Variants in ODAD2 observed in about 807,000 individuals in gnomAD.
The protein encoded by ODAD2 is outer dynein arm-docking complex subunit 2.
Under a neutral mutation model 106.8 loss-of-function variants are expected in ODAD2, and 89 were observed. That is an observed-to-expected ratio of 0.83 (90% CI 0.70 to 0.99). The LOEUF (loss-of-function observed/expected upper bound fraction) is 0.99, where lower values mean the gene tolerates loss of function less well. ODAD2 is among the 50% of genes least tolerant of loss of function. ODAD2 has a pLI of 0.00. For synonymous variants in ODAD2, 404 were observed against 436.2 expected (o/e 0.93, Z 0.92); for missense variants, 1,168 against 1,238.5 (o/e 0.94, Z 0.85).
rs1192390108 is a variant in ODAD2, at chr10:27,940,704, C to T, written c.1845G>A (p.Leu615=). 2 of 1,614,130 alleles carry T rather than the reference C, an allele frequency of 1.2e-6. No individual in the cohort carries two copies. The highest frequency in any genetic ancestry group is 2.2e-5 in the East Asian group (1 of 44,852). Residue 615 remains leucine (L), a synonymous_variant, in exon 13 of 20, where the codon CTG becomes CTA. Transcript: ENST00000305242. ...VEVARCGALA[L]WSCSKSHTNK... ...TCGTATGACTCTTACTGCAGCTCCA[C>T]AGGGCCAGTGCCCCACAGCGAGCCA...
intron 19 of ODAD2, among the ~76,000 whole-genome samples, chr10:27,858,802 C>CTT (rs1564434884): frequency 2.1e-4 from 14 of 65,178 alleles, no homozygotes; most frequent in East Asian, 4.3e-4. Flanking sequence ...CACCTTAGTA[C>CTT]ATTTTTTTTT....
At chr10:27,826,602 C>T (rs1481292323) in intron 19 of ODAD2, among the ~76,000 whole-genome samples, 1 of 152,130 alleles carries the variant, frequency 6.6e-6, no homozygotes, top group East Asian at 1.9e-4. Flanking sequence ...CAAGTGCACC[C>T]GTCCTTTCCT....
At position 27,860,827 on chromosome 10, in the gene ODAD2, T is replaced by C. The variant is rs772739389; in HGVS notation, c.2819A>G (p.His940Arg). Residue 940 changes from histidine to arginine, a missense_variant, in exon 19 of 20, where the codon CAT becomes CGT. His to Arg is a conservative substitution (Grantham distance 29). Coordinates refer to ENST00000305242, the MANE Select transcript of ODAD2 (RefSeq NM_018076.5). ...LANTNNNKLR[H>R]HLAEAISRCC... ...ACGTGAAATAGCTTCTGCTAGATGA[T>C]GTCTCAATTTATTGTTATTCTGTGC... 6.2e-7 allele frequency: 1 copy of C among 1,614,146 alleles called. No homozygotes were observed. The highest frequency in any genetic ancestry group is 8.5e-7 in the Non-Finnish European group (1 of 1,179,976).
chr10:27,818,722 G>A (rs148977753), intron 19 of ODAD2, among the ~76,000 whole-genome samples: 223 of 152,262 alleles, frequency 1.5e-3, no homozygotes, highest in Non-Finnish European at 2.7e-3. Context: ...ATGGCCACCC[G>A]CCTCGCTTCT....
At position 27,994,956 on chromosome 10, in the gene ODAD2, A is replaced by T; in HGVS notation, c.187T>A (p.Leu63Met). Reference protein sequence around the residue: ...FVEPLEWNTSLAPSAFESGYV... With the variant: ...FVEPLEWNTSMAPSAFESGYV... ...CCTGATTCAAATGCTGAGGGCGCCA[A>T]ACTTGTGTTCCATTCAAGTGGTTCC... The change falls in exon 2 of 20, where the codon TTG becomes ATG. Residue 63 changes from leucine to methionine, a missense_variant. Physicochemically the swap from Leu to Met is conservative, Grantham distance 15. This residue lies in a region of ODAD2 where 430 missense variants were observed against 452.2 expected (regional missense o/e 0.95). Coordinates refer to ENST00000305242, the MANE Select transcript of ODAD2 (RefSeq NM_018076.5). The T allele has an allele frequency of 6.2e-7, 1 of 1,614,234 alleles. No homozygotes were observed. The highest frequency in any genetic ancestry group is 8.5e-7 in the Non-Finnish European group (1 of 1,180,044).
chr10:27,848,683 A>T (rs546111568), intron 19 of ODAD2, among the ~76,000 whole-genome samples: 1 of 152,338 alleles, frequency 6.6e-6, no homozygotes, highest in African/African-American at 2.4e-5. Flanking sequence ...TAATATCCAG[A>T]ATCTACAAAA....
At position 27,860,772 on chromosome 10, in the gene ODAD2, G is replaced by C. The variant is rs144988924; in HGVS notation, c.2874C>G (p.Ala958=). 6 of 1,613,992 alleles carry C rather than the reference G, an allele frequency of 3.7e-6. No homozygotes were observed. The African/African-American group carries it at 5.3e-5, about 14-fold the overall frequency. Residue 958 remains alanine (A), a synonymous_variant, in exon 19 of 20, where the codon GCC becomes GCG. Coordinates refer to ENST00000305242, the MANE Select transcript of ODAD2 (RefSeq NM_018076.5). ...GAGCCACTGCTTTGTGCTCACCGAAGGCCACTCTATTCCTGCCCCACATAC... is the reference window on the plus strand; with the variant it reads ...GAGCCACTGCTTTGTGCTCACCGAACGCCACTCTATTCCTGCCCCACATAC... ...RCCMWGRNRV[A]FGEHKAVAPL... is the part of the protein sequence containing the mutation.
intron 16 of ODAD2, among the ~76,000 whole-genome samples, chr10:27,915,553 T>A (rs944546368): frequency 2.0e-5 from 3 of 152,090 alleles, no homozygotes; most frequent in African/African-American, 7.2e-5. Flanking sequence ...AGTTTCAACA[T>A]CTAAATGTGA....
rs546928912 is a variant in ODAD2, at chr10:27,812,578, A to G, written c.3069T>C (p.Ala1023=). The part of the protein sequence containing the change: ...VGSPDQDLQE[A]AAGCISNIRR... ...GGATATTGGATATACAACCAGCTGC[A>G]GCTTCCTGGAGATCCTGGTCAGGGG... The change falls in exon 20 of 20, where the codon GCT becomes GCC. Residue 1023 remains alanine, a synonymous_variant. Coordinates refer to ENST00000305242, the MANE Select transcript of ODAD2 (RefSeq NM_018076.5). The G allele has an allele frequency of 1.1e-4, 178 of 1,613,182 alleles. 4 individuals are homozygous for G. In the South Asian group the frequency reaches 1.9e-3, roughly 17 times the overall value.
intron 6 of ODAD2, among the ~76,000 whole-genome samples, chr10:27,983,615 T>C (rs535045582): frequency 6.6e-6 from 1 of 152,344 alleles, no homozygotes; most frequent in Admixed American, 6.5e-5. Context: ...ATGGGTCACT[T>C]TGAAGCCCAT....
intron 16 of ODAD2, among the ~76,000 whole-genome samples, chr10:27,930,123 G>T (rs1845511428): frequency 6.6e-6 from 1 of 151,400 alleles, no homozygotes; most frequent in Non-Finnish European, 1.5e-5. Context: ...GTTTTTAGTT[G>T]TGTTTATTAT....
rs946189100 is a variant in ODAD2, at chr10:27,940,782, A to G, written c.1767T>C (p.His589=). Residue 589 remains histidine (H), a synonymous_variant, in exon 13 of 20, where the codon CAT becomes CAC. Transcript: ENST00000305242. ...TKLVALLDCA[H]DSTKPAQSSL... Reference sequence around the variant, plus strand: ...TCGATTGGGCAGGTTTTGTGGAATCATGTGCACAGTCTAGTAGAGCAACCT... The same window carrying G: ...TCGATTGGGCAGGTTTTGTGGAATCGTGTGCACAGTCTAGTAGAGCAACCT... 49 of 1,614,072 alleles carry G rather than the reference A, an allele frequency of 3.0e-5. No homozygotes were observed. The highest frequency in any genetic ancestry group is 4.1e-5 in the Non-Finnish European group (48 of 1,179,958).
intron 19 of ODAD2, among the ~76,000 whole-genome samples, chr10:27,814,639 A>G (rs150972802): frequency 3.3e-5 from 5 of 152,280 alleles, no homozygotes; most frequent in African/African-American, 9.6e-5. Context: ...GTTTGTTCTC[A>G]TCATGATCTC....
At chr10:27,843,455 G>T (rs1192951369) in intron 19 of ODAD2, among the ~76,000 whole-genome samples, 2 of 152,184 alleles carry the variant, frequency 1.3e-5, no homozygotes, top group Non-Finnish European at 2.9e-5. Context: ...CTGATTACCT[G>T]AGAGGTAACT....
chr10:27,912,008 T>C (rs1320352133), intron 16 of ODAD2, among the ~76,000 whole-genome samples: 1 of 152,198 alleles, frequency 6.6e-6, no homozygotes, highest in Non-Finnish European at 1.5e-5. Flanking sequence ...AAATACACGT[T>C]CAAATTCTAA....
intron 17 of ODAD2, among the ~76,000 whole-genome samples, chr10:27,867,287 G>A (rs1840510471): frequency 6.6e-6 from 1 of 152,158 alleles, no homozygotes; most frequent in South Asian, 2.1e-4. Flanking sequence ...AGAAGCAGCT[G>A]CGAATGGACT....
intron 19 of ODAD2, among the ~76,000 whole-genome samples, chr10:27,832,248 T>A (rs1206812910): frequency 2.6e-5 from 4 of 152,244 alleles, no homozygotes; most frequent in African/African-American, 9.6e-5. Flanking sequence ...TGAAACTTAT[T>A]AATCACTCTT....
intron 17 of ODAD2, among the ~76,000 whole-genome samples, chr10:27,865,536 G>C (rs1840376551): frequency 6.6e-6 from 1 of 152,098 alleles, no homozygotes; most frequent in South Asian, 2.1e-4. Flanking sequence ...CATAATACCT[G>C]GTTCTCCTGT....
intron 9 of ODAD2, among the ~76,000 whole-genome samples, chr10:27,963,590 T>A (rs913810264): frequency 2.0e-5 from 3 of 152,016 alleles, no homozygotes; most frequent in Non-Finnish European, 4.4e-5. Flanking sequence ...TGAAAACTAT[T>A]TTTCCCCCCA....
Sources: allele counts gnomAD v4.1 joint callset (sites outside exome capture counted in the v4.1 genomes callset), GRCh38; gene constraint gnomAD v4.1.1; regional missense constraint gnomAD v4.1.1; transcripts MANE v1.5; gene names NCBI Gene and HGNC (gene_info 2026-07-23, HGNC 2026-07-21).